The following BOLL variants were observed in gnomAD, a reference collection of about 807,000 sequenced individuals.
BOLL encodes the protein protein boule-like.
Under a neutral mutation model 44.4 loss-of-function variants are expected in BOLL, and 23 were observed. That is an observed-to-expected ratio of 0.52 (90% CI 0.37 to 0.73). The LOEUF (loss-of-function observed/expected upper bound fraction) is 0.73. Ranked by LOEUF, BOLL falls within the 30% of genes least tolerant of loss-of-function variation. The probability of loss-of-function intolerance (pLI) is 0.00; values close to 1 mark genes in which losing one functional copy is unlikely to be tolerated. For synonymous variants in BOLL, 97 were observed against 110.8 expected, an observed-to-expected ratio of 0.88 and a Z score of 0.78; for missense variants, 287 against 338.3, an observed-to-expected ratio of 0.85 and a Z score of 1.19.
At chr2:197,764,857 A>G (rs1336140260) in intron 7 of BOLL, among the ~76,000 whole-genome samples, 1 of 152,074 alleles carries the variant, frequency 6.6e-6, no homozygotes, top group Admixed American at 6.5e-5. Context: ...TCCCTTTTTT[A>G]TATAATAAAA....
intron 6 of BOLL, among the ~76,000 whole-genome samples, chr2:197,770,339 A>C (rs1689187230): frequency 6.6e-6 from 1 of 152,196 alleles, no homozygotes; most frequent in African/African-American, 2.4e-5. Context: ...TTATACAAAA[A>C]TTAATTCAAG....
At chr2:197,758,834 A>T in intron 7 of BOLL, 1 of 760,510 alleles carries the variant, frequency 1.3e-6, no homozygotes, top group Non-Finnish European at 2.0e-6. Flanking sequence ...AAACTGACAT[A>T]TGTTAACATT....
intron 6 of BOLL, among the ~76,000 whole-genome samples, chr2:197,769,739 G>A (rs544131846): frequency 1.3e-5 from 2 of 152,050 alleles, no homozygotes; most frequent in African/African-American, 2.4e-5. Context: ...ATGGGTGAAC[G>A]CCCATTCACA....
At chr2:197,765,781 G>A (rs1688967236) in intron 7 of BOLL, among the ~76,000 whole-genome samples, 1 of 151,942 alleles carries the variant, frequency 6.6e-6, no homozygotes, top group Middle Eastern at 3.2e-3. Flanking sequence ...ACAGGAGGTT[G>A]TTACACAAAT....
chr2:197,753,860 A>G (rs1392838872), intron 9 of BOLL, among the ~76,000 whole-genome samples: 1 of 152,238 alleles, frequency 6.6e-6, no homozygotes, highest in Non-Finnish European at 1.5e-5. Flanking sequence ...AGCACTATTT[A>G]CAATAGCAAA....
At position 197,775,522 on chromosome 2, in the gene BOLL, T is replaced by C. The variant is rs1317553474; in HGVS notation, c.352+143A>G. On this transcript the variant is annotated intron_variant, in intron 5 of 10. Coordinates refer to ENST00000392296, the MANE Select transcript of BOLL (RefSeq NM_033030.6). ...GATATATTATTTTGTGGCAAAAATA[T>C]TCAGTTTTTCCACCAACTTTGCTAA... 24 of 558,890 alleles carry C rather than the reference T, an allele frequency of 4.3e-5. No homozygotes were observed. The East Asian group carries it at 4.5e-4, about 10-fold the overall frequency. The allele number at this position is 558,890 out of a possible 1,614,324, so 34.6% of individuals were successfully genotyped here.
chr2:197,730,587 G>A, intron 10 of BOLL, among the ~76,000 whole-genome samples: 2 of 149,546 alleles, frequency 1.3e-5, no homozygotes, highest in Non-Finnish European at 3.0e-5. Context: ...CCCTCAAAGG[G>A]AAGCCCATCA....
chr2:197,754,675 T>C lies in BOLL; in HGVS notation c.729+1753A>G, dbSNP rs1179640518. On this transcript the variant is annotated intron_variant, in intron 9 of 10. Coordinates refer to ENST00000392296, the MANE Select transcript of BOLL (RefSeq NM_033030.6). ...GTTGCAGTGAGCCGAGACCACACCATTGCACTCTAGCCTGGGCGATGGAGC... is the reference window on the plus strand; with the variant it reads ...GTTGCAGTGAGCCGAGACCACACCACTGCACTCTAGCCTGGGCGATGGAGC... Among the ~76,000 whole-genome samples, 4 of 147,880 alleles carry C rather than the reference T, an allele frequency of 2.7e-5. No individual in the cohort carries two copies. The East Asian group carries it at 7.9e-4, about 29-fold the overall frequency.
At chr2:197,739,935 G>A (rs1687658695) in intron 10 of BOLL, among the ~76,000 whole-genome samples, 1 of 151,928 alleles carries the variant, frequency 6.6e-6, no homozygotes, top group Admixed American at 6.6e-5. Flanking sequence ...ACATAATATG[G>A]CATAGCAACA....
chr2:197,773,592 A>T (rs1260717228), intron 5 of BOLL, among the ~76,000 whole-genome samples: 3 of 151,990 alleles, frequency 2.0e-5, no homozygotes, highest in Non-Finnish European at 4.4e-5. Flanking sequence ...ATTTGTGATG[A>T]AATGATGTTC....
At chr2:197,752,089 A>T (rs995912047) in intron 9 of BOLL, among the ~76,000 whole-genome samples, 1 of 152,226 alleles carries the variant, frequency 6.6e-6, no homozygotes, top group Admixed American at 6.5e-5. Context: ...GGCCTTCAAA[A>T]AAATTCAACA....
At chr2:197,740,265 G>A (rs1687671179) in intron 10 of BOLL, among the ~76,000 whole-genome samples, 1 of 152,120 alleles carries the variant, frequency 6.6e-6, no homozygotes, top group Non-Finnish European at 1.5e-5. Context: ...ATAAATATGA[G>A]TGTGAAATAG....
chr2:197,775,811 T>C (rs1162731404), intron 4 of BOLL, 71 bp from the exon 5 acceptor site: 3 of 922,590 alleles, frequency 3.3e-6, no homozygotes, highest in Middle Eastern at 3.6e-4. Context: ...AAGGAAAAAC[T>C]AGTTAGAAAG....
upstream of BOLL, chr2:197,786,174 C>T (rs1690065430): frequency 1.0e-6 from 1 of 953,290 alleles, no homozygotes; most frequent in Non-Finnish European, 1.5e-6. The surrounding 1 kb of genome is among the most constrained non-coding windows in gnomAD (Gnocchi z 5.9). Flanking sequence ...GGCCCTGAAC[C>T]TGCCACCTGG....
At chr2:197,775,612 C>CA in intron 5 of BOLL, 53 bp downstream of exon 5, 1 of 1,167,950 alleles carries the variant, frequency 8.6e-7, no homozygotes, top group East Asian at 2.7e-5. Context: ...TCTTATATTT[C>CA]AAAAAAGAAC....
chr2:197,786,043 A>G (rs374403613), upstream of BOLL: 9 of 1,605,166 alleles, frequency 5.6e-6, no homozygotes, highest in African/African-American at 1.2e-4. The surrounding 1 kb of genome is among the most constrained non-coding windows in gnomAD (Gnocchi z 5.9). Context: ...TAGGGAAAAG[A>G]AGCCTAAAGT....
At chr2:197,763,423 A>G (rs185644443) in intron 7 of BOLL, among the ~76,000 whole-genome samples, 3,314 of 150,772 alleles carry the variant, frequency 0.022, 60 homozygotes, top group Non-Finnish European at 0.029. Context: ...CGGAGCTTGC[A>G]GCGAGCAGAG....
chr2:197,768,348 G>A (rs898052673), intron 6 of BOLL, among the ~76,000 whole-genome samples: 1 of 151,802 alleles, frequency 6.6e-6, no homozygotes, highest in Admixed American at 6.6e-5. Context: ...ATAAAAAAAA[G>A]GGCTTTTCAC....
Position 197,744,709 on chromosome 2 carries a change from C to T in BOLL, c.730-1550G>A, listed in dbSNP as rs112527683. Among the ~76,000 whole-genome samples the T allele has an allele frequency of 6.1e-3, 927 of 152,286 alleles. 16 individuals are homozygous for T. The highest frequency in any genetic ancestry group is 0.021 in the African/African-American group (866 of 41,558). On this transcript the variant is annotated intron_variant, in intron 9 of 10. Transcript: ENST00000392296. ...ATTGCCTCTTACAAGGTGCTGCACA[C>T]TATACAAAGAACTTTGTATACCATC...
Sources: gnomAD v4.1 joint callset for allele counts (sites outside exome capture counted in the v4.1 genomes callset) on GRCh38, gnomAD v4.1.1 for gene constraint, Gnocchi (gnomAD v3.1) non-coding constraint, MANE v1.5 for transcripts, NCBI Gene and HGNC (gene_info 2026-07-23, HGNC 2026-07-21) for gene names.